CLXN: variants seen among roughly 807,000 people sequenced by gnomAD.
The protein encoded by CLXN is EF-hand calcium binding domain 1.
At chr8:48,713,035 A>C in the CLXN span, among the ~76,000 whole-genome samples, 1 of 151,872 alleles carries the variant, frequency 6.6e-6, no homozygotes, top group African/African-American at 2.4e-5. Flanking sequence ...AAACTGAGCA[A>C]GTTTACTTGA....
At chr8:48,727,564 C>T in the CLXN span, among the ~76,000 whole-genome samples, 1 of 151,972 alleles carries the variant, frequency 6.6e-6, no homozygotes, top group Admixed American at 6.6e-5. Flanking sequence ...GCAGCAAGTG[C>T]ACAGGCATGG....
the CLXN span, chr8:48,713,945 A>T: frequency 6.6e-6 from 1 of 152,204 alleles, no homozygotes; most frequent in African/African-American, 2.4e-5. Flanking sequence ...TACCTCTCCT[A>T]AACAGGCCTA....
chr8:48,732,667 A>G, the CLXN span, among the ~76,000 whole-genome samples: 2 of 152,162 alleles, frequency 1.3e-5, no homozygotes, highest in Non-Finnish European at 2.9e-5. Context: ...CTGTACAACA[A>G]TGTTCATAGT....
At chr8:48,714,541 C>T in the CLXN span, among the ~76,000 whole-genome samples, 1 of 152,106 alleles carries the variant, frequency 6.6e-6, no homozygotes, top group Non-Finnish European at 1.5e-5. Context: ...GAGGGTTATT[C>T]ATATGGAGGT....
At chr8:48,714,755 C>T in the CLXN span, among the ~76,000 whole-genome samples, 4 of 152,150 alleles carry the variant, frequency 2.6e-5, no homozygotes, top group African/African-American at 4.8e-5. Flanking sequence ...TCTGGCAACA[C>T]GTGCTAGAAA....
the CLXN span, among the ~76,000 whole-genome samples, chr8:48,721,126 C>T: frequency 2.0e-5 from 3 of 152,052 alleles, no homozygotes; most frequent in Non-Finnish European, 4.4e-5. Flanking sequence ...AGCTGCAGGA[C>T]ACGAAATCAA....
chr8:48,729,576 A>C, the CLXN span: 1 of 809,218 alleles, frequency 1.2e-6, no homozygotes, highest in African/African-American at 1.7e-5. Flanking sequence ...AACTGAAAAG[A>C]ACTATTAATA....
At chr8:48,735,017 C>T in the CLXN span, 7 of 1,544,572 alleles carry the variant, frequency 4.5e-6, no homozygotes, top group Admixed American at 1.7e-5. Flanking sequence ...GCAGGCACAA[C>T]AGCGGACCTT....
At chr8:48,729,165 T>G in the CLXN span, 1 of 1,577,710 alleles carries the variant, frequency 6.3e-7, no homozygotes, top group Non-Finnish European at 8.6e-7. Context: ...ATGAGAAACA[T>G]GTTAGGCAAC....
At chr8:48,718,115 T>A in the CLXN span, among the ~76,000 whole-genome samples, 1 of 152,068 alleles carries the variant, frequency 6.6e-6, no homozygotes, top group Non-Finnish European at 1.5e-5. Flanking sequence ...AAGGCACATA[T>A]AGGAGGAAAG....
At chr8:48,728,882 A>C in the CLXN span, among the ~76,000 whole-genome samples, 2 of 152,200 alleles carry the variant, frequency 1.3e-5, no homozygotes, top group African/African-American at 4.8e-5. Flanking sequence ...CACTAGTACC[A>C]AGAAATGAAT....
the CLXN span, chr8:48,711,349 C>T: frequency 6.6e-6 from 1 of 152,136 alleles, no homozygotes; most frequent in Non-Finnish European, 1.5e-5. Flanking sequence ...AGGTGGTGGT[C>T]TCTACCTCTC....
chr8:48,732,205 C>G, the CLXN span, among the ~76,000 whole-genome samples: 7 of 152,056 alleles, frequency 4.6e-5, no homozygotes, highest in African/African-American at 1.7e-4. Context: ...GTTCCAATCC[C>G]CATTTGAGAA....
At chr8:48,726,122 CCAT>C in the CLXN span, among the ~76,000 whole-genome samples, 2 of 144,540 alleles carry the variant, frequency 1.4e-5, no homozygotes, top group Admixed American at 6.9e-5. Context: ...CTCCATCCAT[CCAT>C]CCATCCATCC....
the CLXN span, chr8:48,731,478 A>G: frequency 1.2e-6 from 2 of 1,609,428 alleles, no homozygotes; most frequent in Non-Finnish European, 1.7e-6. Flanking sequence ...AAAGCTTTAT[A>G]AGACAGTTCA....
At chr8:48,729,903 A>G in the CLXN span, 1 of 1,586,438 alleles carries the variant, frequency 6.3e-7, no homozygotes. Flanking sequence ...CATGAATTTG[A>G]TGCTATCAGT....
chr8:48,722,947 C>T, the CLXN span, among the ~76,000 whole-genome samples: 1 of 152,010 alleles, frequency 6.6e-6, no homozygotes, highest in Non-Finnish European at 1.5e-5. Flanking sequence ...AAGGGAAAAA[C>T]TCATAGCAGG....
chr8:48,718,334 C>A, the CLXN span, among the ~76,000 whole-genome samples: 1 of 151,966 alleles, frequency 6.6e-6, no homozygotes, highest in Non-Finnish European at 1.5e-5. Flanking sequence ...CAAATATTGA[C>A]AGATCTCAAG....
the CLXN span, among the ~76,000 whole-genome samples, chr8:48,727,588 G>A: frequency 2.6e-5 from 4 of 152,104 alleles, no homozygotes; most frequent in African/African-American, 9.7e-5. Flanking sequence ...AGGCACATGA[G>A]CCAGAGGCTG....
Sources: allele counts gnomAD v4.1 joint callset (sites outside exome capture counted in the v4.1 genomes callset), GRCh38; gene constraint gnomAD v4.1.1; transcripts MANE v1.5; gene names NCBI Gene and HGNC (gene_info 2026-07-23, HGNC 2026-07-21).